Variants in AVL9 observed in about 807,000 individuals in gnomAD.
The protein encoded by AVL9 is late secretory pathway protein AVL9 homolog.
A neutral mutation model predicts 79.2 loss-of-function variants in AVL9; 49 were observed. The ratio of observed to expected loss-of-function variants is 0.62; its 90% CI spans 0.49 to 0.79. The LOEUF (loss-of-function observed/expected upper bound fraction) is 0.79, where lower values mean the gene tolerates loss of function less well. Among genes scored for constraint, AVL9 ranks in the 30% least tolerant of loss-of-function variants. The probability of loss-of-function intolerance (pLI) is 0.00; values close to 1 mark genes in which losing one functional copy is unlikely to be tolerated. For missense variants in AVL9, 682 were observed against 776.8 expected (o/e 0.88, Z 1.45); for synonymous variants, 299 against 280.6 (o/e 1.07, Z -0.65).
At chr7:32,547,278 C>T (rs1182596699) in intron 3 of AVL9, among the ~76,000 whole-genome samples, 3 of 152,176 alleles carry the variant, frequency 2.0e-5, no homozygotes, top group Non-Finnish European at 2.9e-5. Context: ...GCATGATTGC[C>T]ATTTTTGCAT....
At chr7:32,505,210 A>T (rs950017816) in intron 1 of AVL9, among the ~76,000 whole-genome samples, 1 of 151,886 alleles carries the variant, frequency 6.6e-6, no homozygotes, top group African/African-American at 2.4e-5. Context: ...TATATATCAA[A>T]TCTAATTTAA....
chr7:32,555,117 T>A (rs1307825402), intron 8 of AVL9, among the ~76,000 whole-genome samples: 2 of 152,132 alleles, frequency 1.3e-5, no homozygotes, highest in African/African-American at 2.4e-5. Flanking sequence ...AGCAGGAGGA[T>A]CACTTGCGCT....
chr7:32,575,482 C>A (rs552681925), intron 12 of AVL9, among the ~76,000 whole-genome samples: 3 of 151,882 alleles, frequency 2.0e-5, no homozygotes, highest in Non-Finnish European at 4.4e-5. Context: ...AACATCATGA[C>A]TGAAAGAACC....
intron 3 of AVL9, among the ~76,000 whole-genome samples, chr7:32,548,293 T>C (rs1789629221): frequency 6.6e-6 from 1 of 151,968 alleles, no homozygotes; most frequent in Non-Finnish European, 1.5e-5. Flanking sequence ...GATTACAGGC[T>C]TGTGCCACCA....
intron 1 of AVL9, among the ~76,000 whole-genome samples, chr7:32,499,979 C>T (rs923176679): frequency 1.3e-5 from 2 of 152,184 alleles, no homozygotes; most frequent in Non-Finnish European, 2.9e-5. Context: ...ACCACATTTT[C>T]TTTATCCAGT....
chr7:32,500,907 G>A, intron 1 of AVL9, among the ~76,000 whole-genome samples: 1 of 152,194 alleles, frequency 6.6e-6, no homozygotes, highest in African/African-American at 2.4e-5. Context: ...TCAAAGAGCA[G>A]ATGGCTGTAG....
intron 1 of AVL9, among the ~76,000 whole-genome samples, chr7:32,509,943 A>T (rs1233328061): frequency 1.3e-5 from 2 of 152,272 alleles, no homozygotes; most frequent in East Asian, 1.9e-4. Context: ...TAGTAATAAG[A>T]TAACAAGGAA....
chr7:32,569,913 G>C, intron 10 of AVL9, 107 bp from the exon 11 acceptor site: 2 of 1,075,446 alleles, frequency 1.9e-6, no homozygotes, highest in Non-Finnish European at 2.7e-6. Context: ...TTACAGACAG[G>C]GCAAGGAAGA....
intron 1 of AVL9, among the ~76,000 whole-genome samples, chr7:32,506,883 A>G (rs1787438415): frequency 6.6e-6 from 1 of 152,224 alleles, no homozygotes; most frequent in South Asian, 2.1e-4. Context: ...CCAGCATTAC[A>G]TTAATACCAA....
chr7:32,535,657 C>A (rs995284086), intron 1 of AVL9: 2 of 152,114 alleles, frequency 1.3e-5, no homozygotes, highest in African/African-American at 4.8e-5. Context: ...CTATTTTGAT[C>A]CCCAAATTTG....
In AVL9 at chr7:32,559,318, T is replaced by G; in HGVS notation, c.1069T>G (p.Leu357Val). 1 of 1,614,144 alleles carries G rather than the reference T, an allele frequency of 6.2e-7. No individual in the cohort carries two copies. Among genetic ancestry groups the G allele is most frequent in the Non-Finnish European group, 8.5e-7 (1 of 1,180,032 alleles). ...REQLGSDQTN[L>V]FPKDSVPSES... The stretch of plus-strand genomic sequence containing the variant: ...ACAGCTGGGATCAGACCAGACAAAT[T>G]TGTTTCCAAAGGACTCTGTCCCCTC... The change falls in exon 10 of 16, where the codon TTG (leucine) becomes GTG (valine). Residue 357 changes from leucine (L) to valine (V), a missense_variant. Coordinates refer to ENST00000318709, the MANE Select transcript of AVL9 (RefSeq NM_015060.3).
At chr7:32,538,805 G>A (rs966702480) in intron 1 of AVL9, 1 of 152,124 alleles carries the variant, frequency 6.6e-6, no homozygotes, top group African/African-American at 2.4e-5. Context: ...GCAGGTTCTT[G>A]GCTCTCATGC....
intron 8 of AVL9, among the ~76,000 whole-genome samples, chr7:32,557,268 G>A (rs542990144): frequency 6.6e-6 from 1 of 151,840 alleles, no homozygotes; most frequent in African/African-American, 2.4e-5. Flanking sequence ...GCGCAGGCTG[G>A]TCTTGAACTC....
At chr7:32,577,206 G>A (rs1285851727) in intron 13 of AVL9, among the ~76,000 whole-genome samples, 3 of 152,014 alleles carry the variant, frequency 2.0e-5, no homozygotes, top group Non-Finnish European at 1.5e-5. Flanking sequence ...GTGGTGGTGG[G>A]TGCCTATAGT....
intron 14 of AVL9, 90 bp from the exon 15 acceptor site, chr7:32,580,712 A>C: frequency 1.7e-6 from 1 of 597,842 alleles, no homozygotes; most frequent in Non-Finnish European, 2.8e-6. Context: ...CAGAGTGACT[A>C]TTGTGTGTGT....
In AVL9 at chr7:32,551,288, A is replaced by G. The variant is rs756920014; in HGVS notation, c.373-46A>G. The G allele has an allele frequency of 7.1e-6, 9 of 1,272,812 alleles. 1 individual carries two copies. In the South Asian group the frequency reaches 1.0e-4, roughly 15 times the overall value. 78.8% of individuals were successfully genotyped at this position (1,272,812 alleles called of 1,614,324 possible). A position where few individuals can be genotyped will look rare whatever the true frequency, so the allele number is the denominator to read the frequency against. ...ACTATTATCAACCAATTTTACTGTTATCAACTAATTATTAATCAATGGTAA... is the reference window on the plus strand; with the variant it reads ...ACTATTATCAACCAATTTTACTGTTGTCAACTAATTATTAATCAATGGTAA... On this transcript the variant is annotated intron_variant, in intron 4 of 15. Coordinates refer to ENST00000318709, the MANE Select transcript of AVL9 (RefSeq NM_015060.3).
At chr7:32,553,861 G>C (rs1260409219) in intron 7 of AVL9, 94 bp downstream of exon 7, 1 of 858,352 alleles carries the variant, frequency 1.2e-6, no homozygotes, top group Non-Finnish European at 1.9e-6. Context: ...AATTCAGTGT[G>C]CTAAATTGAA....
rs869103287 is a variant in AVL9 at position 32,517,819 on chromosome 7, TTTG to T, written c.93+22020_93+22022del. Among the ~76,000 whole-genome samples, 71 of 60,836 alleles carry T rather than the reference TTTG, an allele frequency of 1.2e-3. No individual in the cohort carries two copies. In the East Asian group the frequency reaches 0.013, roughly 11 times the overall value. 39.9% of individuals were successfully genotyped at this position (60,836 alleles called of 152,430 possible). ...ATGATCTTTGCTTGTGTGTTTTTTT[TTTG>T]TTTGTTTGTTTTGTTTTGTTTTTTT... is the stretch of plus-strand genomic sequence containing the variant. On this transcript the variant is annotated intron_variant, in intron 1 of 15. Transcript: ENST00000318709.
rs559388939 is a variant in AVL9, at chr7:32,513,438, G to A, written c.93+17636G>A. On this transcript the variant is annotated intron_variant, in intron 1 of 15. Transcript: ENST00000318709. ...GCTTCATCTGCATGATAAAACCTCCGCAACCCCTTGTCTTCACCCAGACAT... is the reference window on the plus strand; with the variant it reads ...GCTTCATCTGCATGATAAAACCTCCACAACCCCTTGTCTTCACCCAGACAT... Among the ~76,000 whole-genome samples the A allele has an allele frequency of 2.7e-4, 41 of 152,266 alleles. No individual in the cohort carries two copies. The South Asian group carries it at 4.4e-3, about 16-fold the overall frequency.
Sources: gnomAD v4.1 joint callset for allele counts (sites outside exome capture counted in the v4.1 genomes callset) on GRCh38, gnomAD v4.1.1 for gene constraint, MANE v1.5 for transcripts, NCBI Gene and HGNC (gene_info 2026-07-23, HGNC 2026-07-21) for gene names.